LY75: variants seen among roughly 807,000 people sequenced by gnomAD.
LY75 encodes the protein C-type lectin domain family 13 member B.
LY75 carries 185 observed loss-of-function variants against 231.7 expected under a neutral mutation model. That is an observed-to-expected ratio of 0.80 (90% confidence interval 0.71 to 0.90). The LOEUF is 0.90. LY75 is among the 40% of genes least tolerant of loss of function. LY75 has a pLI of 0.00. For synonymous variants in LY75, 668 were observed against 689.0 expected, an observed-to-expected ratio of 0.97 and a Z score of 0.48; for missense variants, 1,947 against 2,050.2, an observed-to-expected ratio of 0.95 and a Z score of 0.97.
chr2:159,872,684 CT>C (rs879214288), intron 12 of LY75, 91 bp from the exon 13 acceptor site: 6 of 1,410,830 alleles, frequency 4.3e-6, no homozygotes, highest in South Asian at 2.7e-5. Context: ...GTGTGGGCCC[CT>C]GAAATGAATT....
rs1682931400 is a variant in LY75 at position 159,810,640 on chromosome 2, A to G, written c.4585T>C (p.Cys1529Arg). 2.5e-6 allele frequency: 4 copies of G among 1,613,882 alleles called. No homozygotes were observed. Among genetic ancestry groups the G allele is most frequent in the Non-Finnish European group, 1.7e-6 (2 of 1,179,956 alleles). ...GACCCATTCTCTTTTGCTGCTGGACATCTTGATGAATATGTAAGACGGGAC... is the reference window on the plus strand; with the variant it reads ...GACCCATTCTCTTTTGCTGCTGGACGTCTTGATGAATATGTAAGACGGGAC... ...KLSRLTYSSR[C>R]PAAKENGSRW... The change falls in exon 32 of 35, where the codon TGT becomes CGT. Residue 1529 changes from cysteine (C) to arginine (R), a missense_variant. Coordinates refer to ENST00000263636, the MANE Select transcript of LY75 (RefSeq NM_002349.4).
At chr2:159,872,348 G>A (rs1282258336) in intron 13 of LY75, 103 bp downstream of exon 13, 11 of 1,445,788 alleles carry the variant, frequency 7.6e-6, no homozygotes, top group Admixed American at 2.2e-5. Context: ...AATAAAACAT[G>A]TCCATTTTTT....
In LY75 at chr2:159,882,264, T is replaced by A. The variant is rs758025891; in HGVS notation, c.1106A>T (p.Asn369Ile). Residue 369 changes from asparagine to isoleucine, a missense_variant, in exon 7 of 35, where the codon AAT becomes ATT. Transcript: ENST00000263636. ...TRCDAGWLPN[N>I]GFCYLLVNES... ...ATTTACCAGCAGATAGCAAAATCCA[T>A]TATTTGGCAGCCAGCCTGCATCACA... 3.6e-5 allele frequency: 58 copies of A among 1,614,042 alleles called. No individual in the cohort carries two copies. In the South Asian group the frequency reaches 5.9e-4, roughly 16 times the overall value.
intron 2 of LY75, among the ~76,000 whole-genome samples, chr2:159,894,730 T>C (rs750528875): frequency 6.6e-6 from 1 of 152,200 alleles, no homozygotes; most frequent in South Asian, 2.1e-4. Flanking sequence ...AAGCAGCAGC[T>C]TCAATGGGGC....
At position 159,850,428 on chromosome 2, in the gene LY75, G is replaced by A; in HGVS notation, c.2923C>T (p.Gln975Ter). The change falls in exon 22 of 35, where the codon CAA (glutamine) becomes TAA (stop). Residue 975 changes from glutamine (Q) to a stop codon, truncating the protein, a stop_gained. Coordinates refer to ENST00000263636, the MANE Select transcript of LY75 (RefSeq NM_002349.4). LOFTEE classifies it high-confidence loss of function. ...KIKPVSLTFS[Q>*]ASDTCHSYGG... ...TAGGAGTGACAGGTATCGCTTGCTT[G>A]AGAAAATGTGAGAGACACGGGTTTG... The A allele has an allele frequency of 6.2e-7, 1 of 1,613,604 alleles. No homozygotes were observed. The highest frequency in any genetic ancestry group is 8.5e-7 in the Non-Finnish European group (1 of 1,179,690).
At chr2:159,886,582 T>A in intron 4 of LY75, 52 bp from the exon 5 acceptor site, 2 of 1,530,008 alleles carry the variant, frequency 1.3e-6, no homozygotes, top group Non-Finnish European at 1.8e-6. Context: ...TAAGTTATTA[T>A]CTAAATTAGA....
Position 159,834,162 on chromosome 2 carries a change from A to C in LY75, c.3723T>G (p.Ser1241=). The C allele has an allele frequency of 6.2e-7, 1 of 1,614,070 alleles. No individual in the cohort carries two copies. Among genetic ancestry groups the C allele is most frequent in the South Asian group, 1.1e-5 (1 of 91,082 alleles). ...GTATCCACGGAGTATTTAGAACAGG[A>C]GATGGACATTTAACACTGTCAACTG... is the stretch of plus-strand genomic sequence containing the variant. ...VKPVDSVKCP[S]PVLNTPWIPF... is the part of the protein sequence containing the mutation. The change falls in exon 27 of 35, where the codon TCT becomes TCG. Residue 1241 remains serine, a synonymous_variant. Transcript: ENST00000263636.
At chr2:159,848,085 TATATATATACACACACAC>T (rs1684260485) in intron 23 of LY75, among the ~76,000 whole-genome samples, 1 of 33,968 alleles carries the variant, frequency 2.9e-5, no homozygotes, top group Non-Finnish European at 5.9e-5. Context: ...TATATATATA[TATATATATACACACACAC>T]ATACACACAC....
At position 159,819,600 on chromosome 2, in the gene LY75, C is replaced by T. The variant is rs561443578; in HGVS notation, c.4153+126G>A. Reference sequence around the variant, plus strand: ...GTATCTTTTCCTTCCTCGATAACCTCTGTAACACCTCGCACAGGACTGAAT... The same window carrying T: ...GTATCTTTTCCTTCCTCGATAACCTTTGTAACACCTCGCACAGGACTGAAT... On this transcript the variant is annotated intron_variant, in intron 29 of 34. Transcript: ENST00000263636. 1.2e-5 allele frequency: 15 copies of T among 1,219,872 alleles called. No individual in the cohort carries two copies. The African/African-American group carries it at 1.8e-4, about 15-fold the overall frequency. The allele number at this position is 1,219,872 out of a possible 1,614,324, so 75.6% of individuals were successfully genotyped here.
chr2:159,827,538 A>T (rs1683511328), intron 28 of LY75, among the ~76,000 whole-genome samples: 1 of 152,236 alleles, frequency 6.6e-6, no homozygotes, highest in South Asian at 2.1e-4. Flanking sequence ...ACCATTGTGG[A>T]AGACAGTATG....
chr2:159,899,009 G>A lies in LY75; in HGVS notation c.145C>T (p.Pro49Ser), dbSNP rs376274116. 24 of 1,614,004 alleles carry A rather than the reference G, an allele frequency of 1.5e-5. No homozygotes were observed. The highest frequency in any genetic ancestry group is 2.0e-5 in the Non-Finnish European group (24 of 1,179,982). ...VHGNTGKCIK[P>S]VYGWIVADDC... Reference sequence around the variant, plus strand: ...TCTGCTACTATCCAGCCATACACTGGCTTGATGCACTTGCCCGTATTTCCA... The same window carrying A: ...TCTGCTACTATCCAGCCATACACTGACTTGATGCACTTGCCCGTATTTCCA... Residue 49 changes from proline (P) to serine (S), a missense_variant, in exon 2 of 35, where the codon CCA becomes TCA. Coordinates refer to ENST00000263636, the MANE Select transcript of LY75 (RefSeq NM_002349.4).
chr2:159,893,476 C>T (rs1264895184), intron 3 of LY75, among the ~76,000 whole-genome samples: 1 of 152,180 alleles, frequency 6.6e-6, no homozygotes, highest in African/African-American at 2.4e-5. Context: ...ATTGTAACTA[C>T]ATAAATTTGT....
At position 159,815,567 on chromosome 2, in the gene LY75, C is replaced by G. The variant is rs116775667; in HGVS notation, c.4387G>C (p.Glu1463Gln). The G allele has an allele frequency of 9.9e-4, 1,599 of 1,611,706 alleles. 14 individuals carry two copies. The African/African-American group carries it at 0.02, about 20-fold the overall frequency. Residue 1463 changes from glutamate (E) to glutamine (Q), a missense_variant, in exon 31 of 35, where the codon GAA becomes CAA. Coordinates refer to ENST00000263636, the MANE Select transcript of LY75 (RefSeq NM_002349.4). The part of the protein sequence containing the change: ...WVGLSSHDGS[E>Q]SSFEWSDGST... ...CCATCAGACCATTCAAAACTTGATT[C>G]ACTTCCCTGTTGTAAGAACAATAGA...
intron 28 of LY75, among the ~76,000 whole-genome samples, chr2:159,826,108 C>T (rs1683459291): frequency 6.6e-6 from 1 of 152,130 alleles, no homozygotes; most frequent in African/African-American, 2.4e-5. Flanking sequence ...CTGGCCAGGG[C>T]AATCTGGCAA....
intron 30 of LY75, 134 bp from the exon 31 acceptor site, chr2:159,815,707 CCTA>C (rs1683103761): frequency 9.1e-7 from 1 of 1,103,962 alleles, no homozygotes; most frequent in Non-Finnish European, 1.3e-6. Context: ...TAGGTCTGAA[CCTA>C]CTATTATTGT....
In LY75 at chr2:159,853,297, T is replaced by C. The variant is rs1684457180; in HGVS notation, c.2719A>G (p.Met907Val). 1.2e-6 allele frequency: 2 copies of C among 1,613,344 alleles called. No homozygotes were observed. The highest frequency in any genetic ancestry group is 2.2e-5 in the East Asian group (1 of 44,834). ...PVTFGEECLYMSAKTWLIDLG... is the reference protein window; with the variant it reads ...PVTFGEECLYVSAKTWLIDLG... The stretch of plus-strand genomic sequence containing the variant: ...CCGATAAGCCAAGTCTTGGCAGACA[T>C]GTACAAGCATTCCTCTCCAAATGTC... Residue 907 changes from methionine (M) to valine (V), a missense_variant, in exon 20 of 35, where the codon ATG (methionine) becomes GTG (valine). By Grantham distance (21) the Met-to-Val change is conservative. Coordinates refer to ENST00000263636, the MANE Select transcript of LY75 (RefSeq NM_002349.4).
chr2:159,883,205 G>A (rs1034682415), intron 6 of LY75, among the ~76,000 whole-genome samples: 5 of 150,252 alleles, frequency 3.3e-5, no homozygotes, highest in Admixed American at 6.6e-5. Context: ...TGGGTGCAGC[G>A]CACCAGCATG....
chr2:159,878,585 G>T (rs758619731), intron 10 of LY75, 48 bp downstream of exon 10: 23 of 1,612,912 alleles, frequency 1.4e-5, no homozygotes, highest in African/African-American at 9.3e-5. Flanking sequence ...TTTGGCAAAA[G>T]AATTCAGAGT....
rs560048831 is a variant in LY75 at position 159,886,317 on chromosome 2, G to A, written c.913+103C>T. 155 of 1,255,118 alleles carry A rather than the reference G, an allele frequency of 1.2e-4. 1 individual carries two copies. The highest frequency in any genetic ancestry group is 1.0e-3 in the Middle Eastern group (5 of 4,894). 77.7% of individuals were successfully genotyped at this position (1,255,118 alleles called of 1,614,324 possible). A position where few individuals can be genotyped will look rare whatever the true frequency, so the allele number is the denominator to read the frequency against. On this transcript the variant is annotated intron_variant, in intron 5 of 34. Transcript: ENST00000263636. ...TTCTTCTGAGAGGTAACCATAGTAA[G>A]AGCTGCCAAGATGTGAAACTTTTCT...
Sources: gnomAD v4.1 joint callset for allele counts (sites outside exome capture counted in the v4.1 genomes callset) on GRCh38, gnomAD v4.1.1 for gene constraint, MANE v1.5 for transcripts, NCBI Gene and HGNC (gene_info 2026-07-23, HGNC 2026-07-21) for gene names.